Variants in NTAQ1 observed in about 807,000 individuals in gnomAD.
NTAQ1 encodes protein N-terminal glutamine amidohydrolase.
In NTAQ1, 21 loss-of-function variants were observed where a neutral mutation model predicts 28.2. The observed-to-expected ratio is 0.74, with a 90% CI of 0.53 to 1.07. NTAQ1 has a LOEUF of 1.07. Among genes scored for constraint, NTAQ1 ranks in the 50% least tolerant of loss-of-function variants. The pLI is 0.00. For missense variants in NTAQ1, 264 were observed against 256.6 expected, an observed-to-expected ratio of 1.03 and a Z score of -0.20; for synonymous variants, 105 against 90.0, an observed-to-expected ratio of 1.17 and a Z score of -0.94.
chr8:123,464,314 A>G (rs1272368244), intron 6 of NTAQ1, among the ~76,000 whole-genome samples: 3 of 152,114 alleles, frequency 2.0e-5, no homozygotes, highest in African/African-American at 7.2e-5. Context: ...GCTTAGAGCA[A>G]TTTTCAGAGA....
chr8:123,447,721 T>C (rs4006523), intron 6 of NTAQ1, among the ~76,000 whole-genome samples: 13 of 152,234 alleles, frequency 8.5e-5, no homozygotes, highest in African/African-American at 3.1e-4. Context: ...ACATTCATTG[T>C]GCCTCTTTCT....
intron 2 of NTAQ1, 145 bp downstream of exon 2, chr8:123,428,168 T>A: frequency 1.8e-6 from 1 of 557,754 alleles, no homozygotes; most frequent in Non-Finnish European, 3.0e-6. Context: ...TTTAAAAGCT[T>A]GCTTTTGAAT....
chr8:123,439,361 G>T (rs34567312), intron 5 of NTAQ1, among the ~76,000 whole-genome samples: 52,736 of 126,128 alleles, frequency 0.42, 9,670 homozygotes, highest in East Asian at 0.6. Flanking sequence ...TTTTTTTTTT[G>T]AGACGGAGTC....
rs1481218024 is a variant in NTAQ1 at position 123,441,971 on chromosome 8, C to T, written c.*556C>T. ...AGACTGCAGCCCTCTCAGACTTGAG[C>T]GTTAATTGGCTTATTTATTTATGGC... On this transcript the variant is annotated 3_prime_UTR_variant, in exon 6 of 6. Coordinates refer to ENST00000287387, the MANE Select transcript of NTAQ1 (RefSeq NM_018024.3). 1.3e-5 allele frequency: 2 copies of T among 152,640 alleles called. No individual in the cohort carries two copies. The highest frequency in any genetic ancestry group is 1.9e-4 in the East Asian group (1 of 5,200). 9.5% of individuals were successfully genotyped at this position (152,640 alleles called of 1,614,324 possible).
exon 7 of NTAQ1, among the ~76,000 whole-genome samples, chr8:123,469,335 C>T (rs146794091): frequency 5.8e-4 from 89 of 152,260 alleles, no homozygotes; most frequent in African/African-American, 2.1e-3. Flanking sequence ...GGAGGAAATA[C>T]GGTTTGAGTG....
intron 3 of NTAQ1, among the ~76,000 whole-genome samples, chr8:123,430,462 C>T (rs551222941): frequency 1.3e-5 from 2 of 152,106 alleles, no homozygotes; most frequent in South Asian, 2.1e-4. Flanking sequence ...GCCAACATGG[C>T]GAAACACCAT....
At chr8:123,445,892 C>G, downstream of NTAQ1, among the ~76,000 whole-genome samples, 1 of 152,034 alleles carries the variant, frequency 6.6e-6, no homozygotes, top group East Asian at 1.9e-4. Context: ...AGGCGTGAGC[C>G]ACCTCACCCA....
At chr8:123,453,420 T>G (rs563598576) in intron 6 of NTAQ1, among the ~76,000 whole-genome samples, 10 of 112,476 alleles carry the variant, frequency 8.9e-5, no homozygotes, top group East Asian at 2.9e-4. Context: ...TGAAGTGTTT[T>G]GTTGCTTTTT....
downstream of NTAQ1, among the ~76,000 whole-genome samples, chr8:123,450,223 T>A (rs1388451585): frequency 6.7e-6 from 1 of 149,782 alleles, no homozygotes; most frequent in African/African-American, 2.5e-5. Flanking sequence ...AAGGAGAAAG[T>A]GGTATTAGAA....
Position 123,455,581 on chromosome 8 carries a change from C to T in NTAQ1, c.373-11498C>T, listed in dbSNP as rs188361750. The stretch of plus-strand genomic sequence containing the variant: ...CTGAGACTACAGGCGTGTGCCACCA[C>T]GCCTGGCTAATTTTTGTAATTTTAG... On this transcript the variant is annotated intron_variant, in intron 6 of 6. Transcript: ENST00000650311. 2.9e-3 allele frequency among the ~76,000 whole-genome samples: 446 copies of T among 151,996 alleles called. 4 individuals are homozygous for T. The highest frequency in any genetic ancestry group is 0.01 in the African/African-American group (418 of 41,456).
downstream of NTAQ1, among the ~76,000 whole-genome samples, chr8:123,449,838 G>C (rs1287604106): frequency 6.8e-6 from 1 of 146,442 alleles, no homozygotes; most frequent in African/African-American, 2.6e-5. Flanking sequence ...GGGCGACAGA[G>C]TGAGACTCTG....
chr8:123,452,043 T>C (rs577204559), downstream of NTAQ1, among the ~76,000 whole-genome samples: 9 of 152,328 alleles, frequency 5.9e-5, no homozygotes, highest in African/African-American at 1.7e-4. Context: ...CACCATGGAT[T>C]TATTTAATTA....
Position 123,416,857 on chromosome 8 carries a change from G to A in NTAQ1, c.8G>A (p.Gly3Asp). 6.5e-7 allele frequency: 1 copy of A among 1,530,548 alleles called. No individual in the cohort carries two copies. Among genetic ancestry groups the A allele is most frequent in the East Asian group, 2.6e-5 (1 of 38,358 alleles). The allele number at this position is 1,530,548 out of a possible 1,614,324, so 94.8% of individuals were successfully genotyped here. A position where few individuals can be genotyped will look rare whatever the true frequency, so the allele number is the denominator to read the frequency against. MEGNGPAAVHYQP... is the reference protein window; with the variant it reads MEDNGPAAVHYQP... The stretch of plus-strand genomic sequence containing the variant: ...TGGCCCAGCTAGCCGGCCATGGAAG[G>A]TAATGGCCCCGCTGCTGTCCACTAC... Residue 3 changes from glycine (G) to aspartate (D), a missense_variant, in exon 1 of 6, where the codon GGT becomes GAT. Gly to Asp is a moderately conservative substitution (Grantham distance 94). Transcript: ENST00000287387.
At chr8:123,458,061 TAAA>T (rs57057942) in intron 6 of NTAQ1, among the ~76,000 whole-genome samples, 7 of 112,090 alleles carry the variant, frequency 6.2e-5, no homozygotes, top group South Asian at 2.8e-4. Flanking sequence ...AGATTTAAAA[TAAA>T]AAAAAAAAAC....
chr8:123,437,029 G>C (rs909907756), intron 4 of NTAQ1, among the ~76,000 whole-genome samples, 181 bp from the exon 5 acceptor site: 4 of 152,052 alleles, frequency 2.6e-5, no homozygotes, highest in Non-Finnish European at 5.9e-5. Flanking sequence ...TTCTGTTTCG[G>C]GGTTTGGTTG....
At chr8:123,424,195 C>T (rs867851400) in intron 1 of NTAQ1, among the ~76,000 whole-genome samples, 14 of 151,718 alleles carry the variant, frequency 9.2e-5, no homozygotes, top group African/African-American at 3.4e-4. Flanking sequence ...GCCTCAGCCT[C>T]CCAAGTAGCT....
intron 4 of NTAQ1, 145 bp downstream of exon 4, chr8:123,436,746 C>A: frequency 1.2e-6 from 1 of 841,390 alleles, no homozygotes; most frequent in Non-Finnish European, 1.8e-6. Flanking sequence ...GATGTATTTG[C>A]AACACAGGAG....
chr8:123,425,884 A>G (rs1298708009), intron 1 of NTAQ1, among the ~76,000 whole-genome samples: 4 of 152,096 alleles, frequency 2.6e-5, no homozygotes, highest in South Asian at 2.1e-4. Context: ...ATTAGCCAGA[A>G]GTGGTGGCAT....
chr8:123,426,991 T>C (rs949356821), intron 1 of NTAQ1, among the ~76,000 whole-genome samples: 1 of 152,036 alleles, frequency 6.6e-6, no homozygotes, highest in Non-Finnish European at 1.5e-5. Flanking sequence ...AATAAAATTA[T>C]GTCCCTTTCT....
Sources: allele counts gnomAD v4.1 joint callset (sites outside exome capture counted in the v4.1 genomes callset), GRCh38; gene constraint gnomAD v4.1.1; transcripts MANE v1.5; gene names NCBI Gene and HGNC (gene_info 2026-07-23, HGNC 2026-07-21).